Variants in MCU observed in about 807,000 individuals in gnomAD.
MCU encodes the protein calcium uniporter protein, mitochondrial.
A neutral mutation model predicts 45.2 loss-of-function variants in MCU; 12 were observed. The ratio of observed to expected loss-of-function variants is 0.27; its 90% CI spans 0.17 to 0.43. MCU has a LOEUF of 0.43. Among genes scored for constraint, MCU ranks in the 20% least tolerant of loss-of-function variants. The probability of loss-of-function intolerance (pLI) is 1.00; values close to 1 mark genes in which losing one functional copy is unlikely to be tolerated. For synonymous variants in MCU, 160 were observed against 165.1 expected, an observed-to-expected ratio of 0.97 and a Z score of 0.24; for missense variants, 324 against 436.7, an observed-to-expected ratio of 0.74 and a Z score of 2.30.
At chr10:72,793,910 T>C (rs940268807) in intron 1 of MCU, among the ~76,000 whole-genome samples, 3 of 152,214 alleles carry the variant, frequency 2.0e-5, no homozygotes. Context: ...AGCTTGATCA[T>C]ACTGTGAGCT....
chr10:72,736,406 G>A (rs1035053977), intron 1 of MCU: 3 of 152,282 alleles, frequency 2.0e-5, no homozygotes, highest in African/African-American at 7.2e-5. Flanking sequence ...AGTCCTAAAA[G>A]GAAGTGAGAG....
intron 1 of MCU, among the ~76,000 whole-genome samples, chr10:72,703,983 T>C (rs904259775): frequency 6.6e-5 from 10 of 152,220 alleles, no homozygotes; most frequent in African/African-American, 2.4e-4. Context: ...ATAGTTTCCA[T>C]TCTGTTTTGT....
chr10:72,870,353 A>G (rs1845522000), intron 5 of MCU, among the ~76,000 whole-genome samples: 1 of 152,102 alleles, frequency 6.6e-6, no homozygotes, highest in Admixed American at 6.5e-5. Context: ...ATCTCGGCTC[A>G]CTGCAGGCTC....
chr10:72,798,518 CT>C (rs1844287969), intron 1 of MCU, among the ~76,000 whole-genome samples: 1 of 152,142 alleles, frequency 6.6e-6, no homozygotes, highest in Non-Finnish European at 1.5e-5. Flanking sequence ...TCTCGACTTC[CT>C]GACCTCGTGA....
At chr10:72,845,339 T>C (rs999355329) in intron 2 of MCU, among the ~76,000 whole-genome samples, 1 of 152,190 alleles carries the variant, frequency 6.6e-6, no homozygotes, top group Non-Finnish European at 1.5e-5. Flanking sequence ...CATTGAGTAG[T>C]GCTACTTTCT....
intron 2 of MCU, among the ~76,000 whole-genome samples, chr10:72,849,283 A>T (rs1845171242): frequency 6.6e-6 from 1 of 150,754 alleles, no homozygotes; most frequent in African/African-American, 2.5e-5. Flanking sequence ...TCCAAAAAAA[A>T]AAAAAAAAAA....
chr10:72,823,463 T>C (rs911646928), intron 1 of MCU, among the ~76,000 whole-genome samples: 1 of 152,194 alleles, frequency 6.6e-6, no homozygotes, highest in Non-Finnish European at 1.5e-5. Context: ...GCTGGAGTCA[T>C]AGACAGAGTG....
At chr10:72,738,750 G>A (rs555403022) in intron 1 of MCU, among the ~76,000 whole-genome samples, 1 of 152,316 alleles carries the variant, frequency 6.6e-6, no homozygotes, top group African/African-American at 2.4e-5. Flanking sequence ...GGTATTGAAA[G>A]CCCTTGATGG....
chr10:72,779,870 T>G (rs1203122301), intron 1 of MCU, among the ~76,000 whole-genome samples: 1 of 152,190 alleles, frequency 6.6e-6, no homozygotes, highest in Non-Finnish European at 1.5e-5. Flanking sequence ...ATAGTTTGTC[T>G]GCCTCTCAAA....
chr10:72,714,873 A>G (rs1842939771), intron 1 of MCU, among the ~76,000 whole-genome samples: 2 of 152,202 alleles, frequency 1.3e-5, no homozygotes, highest in Non-Finnish European at 2.9e-5. Context: ...GTTTCTGGAA[A>G]AAGTATTTTA....
At position 72,871,514 on chromosome 10, in the gene MCU, A is replaced by G. The variant is rs372959619; in HGVS notation, c.795A>G (p.Pro265=). The G allele has an allele frequency of 8.7e-6, 14 of 1,614,132 alleles. No individual in the cohort carries two copies. Among genetic ancestry groups the G allele is most frequent in the South Asian group, 1.1e-5 (1 of 91,096 alleles). The change falls in exon 6 of 8, where the codon CCA becomes CCG. Residue 265 remains proline, a synonymous_variant. Coordinates refer to ENST00000373053, the MANE Select transcript of MCU (RefSeq NM_138357.3). ...AATATTCCTGGGACATCATGGAGCC[A>G]GTAACATACTTCATCACTTATGGAA... ...WWEYSWDIME[P]VTYFITYGSA...
intron 1 of MCU, among the ~76,000 whole-genome samples, chr10:72,765,294 G>A (rs867771595): frequency 6.6e-6 from 1 of 152,060 alleles, no homozygotes; most frequent in African/African-American, 2.4e-5. Flanking sequence ...AAATGGTTTC[G>A]TAAGAAGTAC....
intron 1 of MCU, among the ~76,000 whole-genome samples, chr10:72,757,266 G>A (rs1021381418): frequency 6.6e-6 from 1 of 152,062 alleles, no homozygotes; most frequent in Non-Finnish European, 1.5e-5. Flanking sequence ...ATTAGCAACG[G>A]GAATCACCAC....
Position 72,799,551 on chromosome 10 carries a change from G to C in MCU, c.151-34808G>C, listed in dbSNP as rs1417328414. The stretch of plus-strand genomic sequence containing the variant: ...TGCTCAGGCTGTACTTGAATTCCTG[G>C]GTTCAACTGATCCTCCCTCCTCAGC... On this transcript the variant is annotated intron_variant, in intron 1 of 7. Transcript: ENST00000373053. Among the ~76,000 whole-genome samples the C allele has an allele frequency of 2.0e-5, 3 of 151,490 alleles. No homozygotes were observed. In the East Asian group the frequency reaches 5.8e-4, roughly 29 times the overall value.
At chr10:72,855,224 G>A (rs1487595699) in intron 2 of MCU, among the ~76,000 whole-genome samples, 4 of 152,022 alleles carry the variant, frequency 2.6e-5, no homozygotes, top group Non-Finnish European at 4.4e-5. Context: ...GGGCAACAGA[G>A]CAAGACCCTA....
chr10:72,869,442 G>A lies in MCU; in HGVS notation c.657+579G>A, dbSNP rs368135051. On this transcript the variant is annotated intron_variant, in intron 5 of 7. Transcript: ENST00000373053. ...TCTCCTAAAAATATAAAAATTAGCCGGGCATTGTGGTATCATGTGCCTATA... is the reference window on the plus strand; with the variant it reads ...TCTCCTAAAAATATAAAAATTAGCCAGGCATTGTGGTATCATGTGCCTATA... Among the ~76,000 whole-genome samples, 18 of 152,298 alleles carry A rather than the reference G, an allele frequency of 1.2e-4. No homozygotes were observed. In the East Asian group the frequency reaches 1.9e-3, roughly 16 times the overall value.
At chr10:72,839,059 G>T (rs999873343) in intron 2 of MCU, among the ~76,000 whole-genome samples, 7 of 150,918 alleles carry the variant, frequency 4.6e-5, no homozygotes, top group African/African-American at 1.5e-4. Context: ...GTGCGGTCTT[G>T]GCTCACTGCA....
intron 1 of MCU, among the ~76,000 whole-genome samples, chr10:72,810,760 G>A (rs1477576418): frequency 6.6e-6 from 1 of 152,018 alleles, no homozygotes; most frequent in Non-Finnish European, 1.5e-5. Flanking sequence ...CTCCCAAAGT[G>A]CTGGGATTAC....
rs539740929 is a variant in MCU, at chr10:72,706,481, AGTGTCGGTATTTATTTCTTTG to A, written c.150+14183_150+14203del. The stretch of plus-strand genomic sequence containing the variant: ...GGTTTTCCAGTTATTACAGTACAAA[AGTGTCGGTATTTATTTCTTTG>A]GTAACTATGAAATTTTTTAGAGACA... On this transcript the variant is annotated intron_variant, in intron 1 of 7. Coordinates refer to ENST00000373053, the MANE Select transcript of MCU (RefSeq NM_138357.3). Among the ~76,000 whole-genome samples the A allele has an allele frequency of 7.6e-3, 1,152 of 151,950 alleles. 15 individuals carry two copies. Among genetic ancestry groups the A allele is most frequent in the African/African-American group, 0.026 (1,087 of 41,432 alleles).
Sources: allele counts gnomAD v4.1 joint callset (sites outside exome capture counted in the v4.1 genomes callset), GRCh38; gene constraint gnomAD v4.1.1; transcripts MANE v1.5; gene names NCBI Gene and HGNC (gene_info 2026-07-23, HGNC 2026-07-21).